Variants in CEP83 observed in about 807,000 individuals in gnomAD.
The protein encoded by CEP83 is centrosomal protein of 83 kDa.
A neutral mutation model predicts 101.9 loss-of-function variants in CEP83; 70 were observed. The ratio of observed to expected loss-of-function variants is 0.69; its 90% CI spans 0.57 to 0.84. The LOEUF (loss-of-function observed/expected upper bound fraction) is 0.84. CEP83 is among the 40% of genes least tolerant of loss of function. The pLI, the probability that CEP83 is intolerant of heterozygous loss-of-function variation, is 0.00. For synonymous variants in CEP83, 264 were observed against 267.9 expected (o/e 0.99, Z 0.14); for missense variants, 715 against 787.2 (o/e 0.91, Z 1.10).
intron 1 of CEP83, among the ~76,000 whole-genome samples, chr12:94,445,233 T>C (rs1469317204): frequency 6.6e-6 from 1 of 151,984 alleles, no homozygotes. Context: ...GAAAGGATAG[T>C]CTTTTCAACA....
chr12:94,435,956 T>C (rs149267541), intron 1 of CEP83, among the ~76,000 whole-genome samples: 3 of 152,104 alleles, frequency 2.0e-5, no homozygotes, highest in African/African-American at 7.2e-5. Context: ...GTAACCCTGC[T>C]GGGTGGCTAG....
chr12:94,425,505 A>G (rs1417673795), intron 2 of CEP83, among the ~76,000 whole-genome samples: 1 of 152,160 alleles, frequency 6.6e-6, no homozygotes, highest in Non-Finnish European at 1.5e-5. Context: ...ACTTGTTGCA[A>G]GTAATAAAAT....
At chr12:94,359,104 T>C (rs2060621136) in intron 11 of CEP83, among the ~76,000 whole-genome samples, 1 of 152,252 alleles carries the variant, frequency 6.6e-6, no homozygotes, top group Non-Finnish European at 1.5e-5. Context: ...ATACTTTTAG[T>C]TAATTTAATA....
chr12:94,395,833 G>A (rs2137479035), intron 6 of CEP83, among the ~76,000 whole-genome samples: 1 of 152,182 alleles, frequency 6.6e-6, no homozygotes, highest in South Asian at 2.1e-4. Context: ...GAAAAAAAAA[G>A]AAGAAATAAA....
chr12:94,272,475 C>G, the CEP83 span: 2 of 152,266 alleles, frequency 1.3e-5, no homozygotes. Flanking sequence ...TAGTCATAAC[C>G]AGAACATGTC....
intron 11 of CEP83, among the ~76,000 whole-genome samples, chr12:94,361,945 C>T (rs1023408373): frequency 2.0e-5 from 3 of 152,124 alleles, no homozygotes; most frequent in Non-Finnish European, 1.5e-5. Flanking sequence ...AGGTGATCCA[C>T]CCGCCTTGGC....
chr12:94,371,169 G>GAATA (rs2061287940), intron 8 of CEP83, among the ~76,000 whole-genome samples: 1 of 152,144 alleles, frequency 6.6e-6, no homozygotes. Flanking sequence ...GAATGGCAGG[G>GAATA]AATAAACTTT....
intron 1 of CEP83, among the ~76,000 whole-genome samples, chr12:94,449,486 G>T (rs1170143022): frequency 6.6e-6 from 1 of 151,982 alleles, no homozygotes; most frequent in African/African-American, 2.4e-5. Flanking sequence ...ACTGGGCATG[G>T]TGGCTTAAGC....
At chr12:94,412,676 A>AT (rs1440472800) in intron 2 of CEP83, 85 bp from the exon 3 acceptor site, 1 of 400,872 alleles carries the variant, frequency 2.5e-6, no homozygotes, top group Non-Finnish European at 4.3e-6. Context: ...TATCACTTTT[A>AT]TTATTCTTTT....
chr12:94,303,281 C>T (rs951138775), downstream of CEP83, among the ~76,000 whole-genome samples: 2 of 152,140 alleles, frequency 1.3e-5, no homozygotes, highest in African/African-American at 4.8e-5. Context: ...GCTGGAAAAT[C>T]TGCCTCTGCC....
chr12:94,458,205 G>GA (rs143189453), intron 1 of CEP83, among the ~76,000 whole-genome samples: 10,502 of 129,682 alleles, frequency 0.081, 443 homozygotes, highest in Non-Finnish European at 0.11. Context: ...CTCAAAAAAA[G>GA]AAAAAAAAAA....
intron 11 of CEP83, among the ~76,000 whole-genome samples, chr12:94,337,792 T>A (rs1172980620): frequency 6.6e-6 from 1 of 151,666 alleles, no homozygotes; most frequent in Admixed American, 6.6e-5. Context: ...ATAGAGGAAG[T>A]AGAGAGATGG....
rs1469198425 is a variant in CEP83, at chr12:94,309,958, A to T, written c.1961T>A (p.Met654Lys). Residue 654 changes from methionine (M) to lysine (K), a missense_variant, in exon 16 of 17, where the codon ATG (methionine) becomes AAG (lysine). Transcript: ENST00000397809. The stretch of plus-strand genomic sequence containing the variant: ...AAATGGTAGTTCCATGCTTGGAACC[A>T]TGGCTGATGACTGAAAGCTAACAGG... ...INPVSFQSSA[M>K]VPSMELPFPP... 2 of 1,610,948 alleles carry T rather than the reference A, an allele frequency of 1.2e-6. No homozygotes were observed. Among genetic ancestry groups the T allele is most frequent in the Non-Finnish European group, 1.7e-6 (2 of 1,178,188 alleles).
chr12:94,387,031 G>A (rs1478996453), intron 6 of CEP83, among the ~76,000 whole-genome samples: 2 of 152,140 alleles, frequency 1.3e-5, no homozygotes, highest in Non-Finnish European at 2.9e-5. Flanking sequence ...TTTAATAACT[G>A]GTGTTGGGAA....
At chr12:94,346,449 A>G (rs1005143609) in intron 11 of CEP83, among the ~76,000 whole-genome samples, 3 of 148,146 alleles carry the variant, frequency 2.0e-5, no homozygotes, top group African/African-American at 7.4e-5. Flanking sequence ...CGCCGTCTCA[A>G]AAAAAAAAAA....
chr12:94,317,851 T>G (rs1970967061), intron 14 of CEP83, among the ~76,000 whole-genome samples: 1 of 152,196 alleles, frequency 6.6e-6, no homozygotes, highest in Non-Finnish European at 1.5e-5. Context: ...GGTAGCATGA[T>G]GACTCCACGT....
chr12:94,342,685 A>G (rs570704643), intron 11 of CEP83, among the ~76,000 whole-genome samples: 2 of 152,348 alleles, frequency 1.3e-5, no homozygotes, highest in East Asian at 3.9e-4. Context: ...TTTAAAAAGC[A>G]AAACGATTCA....
At chr12:94,362,948 G>A (rs1344238517) in intron 11 of CEP83, among the ~76,000 whole-genome samples, 1 of 152,226 alleles carries the variant, frequency 6.6e-6, no homozygotes, top group African/African-American at 2.4e-5. Context: ...GATATATACT[G>A]CATGTTCTCA....
At chr12:94,335,916 G>C in intron 11 of CEP83, 1 of 384,088 alleles carries the variant, frequency 2.6e-6, no homozygotes, top group Non-Finnish European at 4.7e-6. Flanking sequence ...CAGGGGTACT[G>C]GGGAACGCTA....
Sources: gnomAD v4.1 joint callset for allele counts (sites outside exome capture counted in the v4.1 genomes callset) on GRCh38, gnomAD v4.1.1 for gene constraint, MANE v1.5 for transcripts, NCBI Gene and HGNC (gene_info 2026-07-23, HGNC 2026-07-21) for gene names.